SEMA3A: variants seen among roughly 807,000 people sequenced by gnomAD.
The protein encoded by SEMA3A is semaphorin-3A.
SEMA3A carries 29 observed loss-of-function variants against 97.9 expected under a neutral mutation model. That is an observed-to-expected ratio of 0.30 (90% CI 0.22 to 0.40). SEMA3A has a LOEUF of 0.40. SEMA3A is among the 10% of genes least tolerant of loss of function. The pLI, the probability that SEMA3A is intolerant of heterozygous loss-of-function variation, is 1.00. For missense variants in SEMA3A, 763 were observed against 951.3 expected, an observed-to-expected ratio of 0.80 and a Z score of 2.60; for synonymous variants, 321 against 323.7, an observed-to-expected ratio of 0.99 and a Z score of 0.09.
chr7:84,362,107 G>A (rs962691105), intron 2 of SEMA3A, among the ~76,000 whole-genome samples: 5 of 151,866 alleles, frequency 3.3e-5, no homozygotes, highest in Non-Finnish European at 7.4e-5. Flanking sequence ...CTTCCTTCAT[G>A]ACTAAATAAT....
intron 12 of SEMA3A, among the ~76,000 whole-genome samples, chr7:83,995,269 C>G (rs1218331991): frequency 6.6e-6 from 1 of 151,982 alleles, no homozygotes; most frequent in African/African-American, 2.4e-5. Flanking sequence ...GCAGAAATCA[C>G]TGTCTTCTGC....
At chr7:84,469,392 C>G (rs1806088207) in intron 1 of SEMA3A, among the ~76,000 whole-genome samples, 1 of 152,080 alleles carries the variant, frequency 6.6e-6, no homozygotes, top group Non-Finnish European at 1.5e-5. Flanking sequence ...ACCATCTGAA[C>G]AAAATAAAAT....
chr7:84,452,297 T>C (rs1805575370), intron 1 of SEMA3A, among the ~76,000 whole-genome samples: 1 of 152,186 alleles, frequency 6.6e-6, no homozygotes, highest in African/African-American at 2.4e-5. Context: ...AATTTAAATA[T>C]GAACCTACTT....
chr7:84,210,155 A>AT lies in SEMA3A; in HGVS notation c.-82-15488dup, dbSNP rs1414713188. Among the ~76,000 whole-genome samples, 7 of 152,114 alleles carry AT rather than the reference A, an allele frequency of 4.6e-5. No homozygotes were observed. The South Asian group carries it at 8.3e-4, about 18-fold the overall frequency. ...TGGAATCATTTCCATACACTAAAGT[A>AT]TTTTTTTTGTGGGGAAGAAGAAAAT... On this transcript the variant is annotated intron_variant, in intron 3 of 3. Coordinates refer to the SEMA3A transcript ENST00000424555.
chr7:84,243,954 G>A (rs1799423339), intron 3 of SEMA3A, among the ~76,000 whole-genome samples: 2 of 152,124 alleles, frequency 1.3e-5, no homozygotes, highest in Non-Finnish European at 2.9e-5. Flanking sequence ...TTACACTGCG[G>A]TCTGAGAGAC....
intron 6 of SEMA3A, among the ~76,000 whole-genome samples, chr7:84,015,212 TC>T (rs1256786605): frequency 6.6e-6 from 1 of 151,980 alleles, no homozygotes; most frequent in Non-Finnish European, 1.5e-5. Context: ...ATTGTCTGTC[TC>T]CCCTGCCACC....
chr7:84,104,301 A>G (rs1483827078), intron 4 of SEMA3A, among the ~76,000 whole-genome samples: 1 of 152,128 alleles, frequency 6.6e-6, no homozygotes, highest in African/African-American at 2.4e-5. Context: ...AAAACTGTTT[A>G]AATTTGTCCA....
intron 2 of SEMA3A, among the ~76,000 whole-genome samples, chr7:84,322,581 T>C (rs1801674965): frequency 6.6e-6 from 1 of 152,112 alleles, no homozygotes. Flanking sequence ...CTCTCTCTCT[T>C]GCCTGCTGCC....
At chr7:84,352,597 T>A (rs1418004478) in intron 2 of SEMA3A, among the ~76,000 whole-genome samples, 1 of 151,848 alleles carries the variant, frequency 6.6e-6, no homozygotes, top group East Asian at 1.9e-4. Context: ...ATTTCTAGAA[T>A]GAAGCAATAA....
At chr7:84,215,456 C>T (rs1798729865) in intron 3 of SEMA3A, among the ~76,000 whole-genome samples, 1 of 152,160 alleles carries the variant, frequency 6.6e-6, no homozygotes, top group Admixed American at 6.5e-5. Context: ...TCCCAAAGTG[C>T]TGGGATTATA....
At chr7:84,012,233 C>A (rs1339930060) in intron 7 of SEMA3A, among the ~76,000 whole-genome samples, 1 of 152,066 alleles carries the variant, frequency 6.6e-6, no homozygotes, top group Non-Finnish European at 1.5e-5. Flanking sequence ...AGTCTTCTCG[C>A]CACGAAGAAT....
At chr7:84,088,450 T>G (rs1007715852) in intron 4 of SEMA3A, among the ~76,000 whole-genome samples, 1 of 151,808 alleles carries the variant, frequency 6.6e-6, no homozygotes, top group Non-Finnish European at 1.5e-5. Context: ...GGAGACTCCG[T>G]TTCCAAAAAA....
At chr7:84,388,010 TATAGG>T (rs71979108) in intron 1 of SEMA3A, among the ~76,000 whole-genome samples, 26,528 of 152,018 alleles carry the variant, frequency 0.17, 2,431 homozygotes, top group Middle Eastern at 0.22. Flanking sequence ...TAAACACAGA[TATAGG>T]ATAGAAGTCA....
chr7:84,280,999 T>G (rs573545109), intron 3 of SEMA3A, among the ~76,000 whole-genome samples: 1 of 152,166 alleles, frequency 6.6e-6, no homozygotes, highest in Admixed American at 6.5e-5. Context: ...TGCCCTTTTC[T>G]TTAATGCCAT....
intron 1 of SEMA3A, among the ~76,000 whole-genome samples, chr7:84,473,542 C>T (rs899374219): frequency 4.0e-5 from 6 of 151,778 alleles, no homozygotes; most frequent in Non-Finnish European, 7.4e-5. Flanking sequence ...GTGTGCACCA[C>T]CACGCCTGGC....
At position 83,961,788 on chromosome 7, in the gene SEMA3A, G is replaced by T. The variant is rs1180973775; in HGVS notation, c.1899C>A (p.Gly633=). Residue 633 remains glycine (G), a synonymous_variant, in exon 17 of 17, where the codon GGC becomes GGA. Coordinates refer to ENST00000265362, the MANE Select transcript of SEMA3A (RefSeq NM_006080.3). ...VDDHIIRTDQ[G]LLLRSLQQKD... is the part of the protein sequence containing the mutation. The stretch of plus-strand genomic sequence containing the variant: ...TCTGTTGTAGACTACGTAGCAGAAG[G>T]CCTTGATCTGTCCTGATGATATGAT... The T allele has an allele frequency of 1.1e-5, 17 of 1,613,846 alleles. 1 individual carries two copies. The South Asian group carries it at 1.5e-4, about 15-fold the overall frequency.
At chr7:83,986,187 A>G (rs967299037) in intron 12 of SEMA3A, among the ~76,000 whole-genome samples, 12 of 152,154 alleles carry the variant, frequency 7.9e-5, no homozygotes, top group African/African-American at 2.2e-4. Context: ...TCCTAACAAC[A>G]CCAGTGGCAG....
intron 12 of SEMA3A, among the ~76,000 whole-genome samples, chr7:83,989,443 A>C (rs1253314796): frequency 1.5e-5 from 2 of 133,522 alleles, no homozygotes; most frequent in Admixed American, 7.5e-5. Context: ...CATTAGGTAT[A>C]TCTCCCAATG....
At chr7:84,445,689 A>C (rs997275127) in intron 1 of SEMA3A, among the ~76,000 whole-genome samples, 4 of 151,682 alleles carry the variant, frequency 2.6e-5, no homozygotes, top group Non-Finnish European at 2.9e-5. Flanking sequence ...AAAATACTAT[A>C]AGCTGAAACT....
Sources: allele counts gnomAD v4.1 joint callset (sites outside exome capture counted in the v4.1 genomes callset), GRCh38; gene constraint gnomAD v4.1.1; transcripts MANE v1.5; gene names NCBI Gene and HGNC (gene_info 2026-07-23, HGNC 2026-07-21).